Variants in PCDH15 observed in about 807,000 individuals in gnomAD.
PCDH15 encodes the protein protocadherin-15.
A neutral mutation model predicts 178.5 loss-of-function variants in PCDH15; 129 were observed. The ratio of observed to expected loss-of-function variants is 0.72; its 90% CI spans 0.63 to 0.84. PCDH15 has a LOEUF of 0.84. PCDH15 is among the 40% of genes least tolerant of loss of function. PCDH15 has a pLI of 0.00. For missense variants in PCDH15, 2,230 were observed against 2,099.9 expected (o/e 1.06, Z -1.21); for synonymous variants, 800 against 732.0 (o/e 1.09, Z -1.50).
intron 37 of PCDH15, chr10:53,808,295 G>T: frequency 4.4e-6 from 2 of 454,518 alleles, no homozygotes; most frequent in Non-Finnish European, 5.7e-6. Flanking sequence ...TATTTATTTT[G>T]AAAGATGATA....
chr10:55,527,496 T>C (rs1245473877), intron 2 of PCDH15, among the ~76,000 whole-genome samples: 1 of 152,046 alleles, frequency 6.6e-6, no homozygotes, highest in East Asian at 1.9e-4. Context: ...GATGACTTCA[T>C]CTTAAGGAAT....
At chr10:54,733,737 C>T (rs1943707002) in intron 1 of PCDH15, among the ~76,000 whole-genome samples, 1 of 151,380 alleles carries the variant, frequency 6.6e-6, no homozygotes, top group Non-Finnish European at 1.5e-5. Flanking sequence ...ATTTTATTGG[C>T]AAATGGGTAG....
At chr10:54,917,456 A>G (rs989346634) in intron 2 of PCDH15, among the ~76,000 whole-genome samples, 1 of 152,208 alleles carries the variant, frequency 6.6e-6, no homozygotes, top group Admixed American at 6.5e-5. Flanking sequence ...CAGTATTGTG[A>G]AGATGACAAT....
chr10:53,856,916 A>G (rs1046483164), intron 28 of PCDH15, among the ~76,000 whole-genome samples: 4 of 152,082 alleles, frequency 2.6e-5, no homozygotes, highest in African/African-American at 9.7e-5. Flanking sequence ...TGCAGACATA[A>G]AGAAAGAAAA....
At chr10:55,131,384 C>T (rs974917528) in intron 2 of PCDH15, among the ~76,000 whole-genome samples, 4 of 152,192 alleles carry the variant, frequency 2.6e-5, no homozygotes, top group Non-Finnish European at 1.5e-5. Flanking sequence ...AAAGCCCTGG[C>T]TCAGGGAGCT....
chr10:53,958,567 CA>C (rs1377124872), intron 23 of PCDH15, among the ~76,000 whole-genome samples: 6 of 152,006 alleles, frequency 3.9e-5, no homozygotes, highest in Non-Finnish European at 8.8e-5. Context: ...TCTCTCTCTC[CA>C]GATAAGGACA....
chr10:55,227,932 C>T (rs948865883), intron 1 of PCDH15, among the ~76,000 whole-genome samples: 1 of 152,004 alleles, frequency 6.6e-6, no homozygotes, highest in African/African-American at 2.4e-5. Context: ...TGACAGCCCC[C>T]CCATCCCCAA....
chr10:54,390,358 T>C (rs2135298178), intron 3 of PCDH15, among the ~76,000 whole-genome samples: 1 of 152,300 alleles, frequency 6.6e-6, no homozygotes, highest in South Asian at 2.1e-4. Context: ...AGTGGTGCGA[T>C]CTCGGCTCCC....
At chr10:55,600,003 G>C in intron 2 of PCDH15, 1 of 1,345,110 alleles carries the variant, frequency 7.4e-7, no homozygotes, top group South Asian at 1.6e-5. Flanking sequence ...TGTGGAGCTT[G>C]AATTCATTAA....
At chr10:55,544,071 A>T (rs922793438) in intron 2 of PCDH15, among the ~76,000 whole-genome samples, 1 of 147,690 alleles carries the variant, frequency 6.8e-6, no homozygotes, top group Non-Finnish European at 1.5e-5. Flanking sequence ...TTATTCACGG[A>T]ACCAGGTAAG....
At chr10:54,587,773 G>A (rs2091598354) in intron 2 of PCDH15, among the ~76,000 whole-genome samples, 2 of 152,046 alleles carry the variant, frequency 1.3e-5, no homozygotes, top group African/African-American at 2.4e-5. Context: ...ATGTAATTAA[G>A]AGGGAATTGG....
chr10:55,330,777 C>A (rs1844178178), intron 2 of PCDH15, among the ~76,000 whole-genome samples: 1 of 150,798 alleles, frequency 6.6e-6, no homozygotes, highest in South Asian at 2.1e-4. Flanking sequence ...TCCATATTAC[C>A]AATAAAAATA....
intron 28 of PCDH15, among the ~76,000 whole-genome samples, chr10:53,849,984 A>G (rs2078252961): frequency 6.6e-6 from 1 of 151,932 alleles, no homozygotes; most frequent in South Asian, 2.1e-4. Context: ...GAGACAAAAC[A>G]CTAATTATTG....
intron 25 of PCDH15, among the ~76,000 whole-genome samples, chr10:53,926,126 T>C (rs919590891): frequency 6.6e-6 from 1 of 152,180 alleles, no homozygotes. Flanking sequence ...TTTGCAGTTG[T>C]CCTATATTTT....
intron 3 of PCDH15, among the ~76,000 whole-genome samples, chr10:54,480,153 G>A (rs1167682704): frequency 2.6e-5 from 4 of 152,120 alleles, no homozygotes; most frequent in African/African-American, 7.2e-5. Flanking sequence ...CCAGCCATCA[G>A]CAAACTGTAA....
At chr10:54,612,517 T>A (rs2092996272) in intron 2 of PCDH15, among the ~76,000 whole-genome samples, 1 of 151,730 alleles carries the variant, frequency 6.6e-6, no homozygotes, top group African/African-American at 2.4e-5. Context: ...GAGGCATAAA[T>A]GACACTTACT....
intron 8 of PCDH15, among the ~76,000 whole-genome samples, chr10:54,295,696 G>A (rs1591643042): frequency 6.6e-6 from 1 of 152,320 alleles, no homozygotes; most frequent in Non-Finnish European, 1.5e-5. Context: ...GCAAGACCAA[G>A]AACCCAGTGG....
At chr10:54,715,675 T>C (rs112667275) in intron 1 of PCDH15, among the ~76,000 whole-genome samples, 18,501 of 151,940 alleles carry the variant, frequency 0.12, 1,255 homozygotes, top group African/African-American at 0.17. Context: ...TTGCCATTCT[T>C]TTCCCACACA....
intron 2 of PCDH15, among the ~76,000 whole-genome samples, chr10:55,065,287 G>T (rs1240886159): frequency 6.6e-6 from 1 of 151,908 alleles, no homozygotes; most frequent in African/African-American, 2.4e-5. Context: ...GTCCTAATCT[G>T]TTCCTCAAAT....
Sources: gnomAD v4.1 joint callset for allele counts (sites outside exome capture counted in the v4.1 genomes callset) on GRCh38, gnomAD v4.1.1 for gene constraint, MANE v1.5 for transcripts, NCBI Gene and HGNC (gene_info 2026-07-23, HGNC 2026-07-21) for gene names.